The following TMEM164 variants were observed in gnomAD, a reference collection of about 807,000 sequenced individuals.
TMEM164 encodes the protein RP13-360B22.2.
TMEM164 carries 4 observed loss-of-function variants against 18.8 expected under a neutral mutation model. The ratio of observed to expected loss-of-function variants is 0.21; its 90% CI spans 0.10 to 0.49. The LOEUF (loss-of-function observed/expected upper bound fraction) is 0.49, where lower values mean the gene tolerates loss of function less well. TMEM164 is among the 20% of genes least tolerant of loss of function. TMEM164 has a pLI of 0.98. For synonymous variants in TMEM164, 86 were observed against 101.7 expected, an observed-to-expected ratio of 0.85 and a Z score of 0.93; for missense variants, 108 against 239.9, an observed-to-expected ratio of 0.45 and a Z score of 3.63.
chrX:110,048,560 G>GT (rs1365546703), intron 2 of TMEM164, among the ~76,000 whole-genome samples: 171 of 103,123 alleles, frequency 1.7e-3, no homozygotes, highest in Admixed American at 2.8e-3. Flanking sequence ...GAGGGGCCAA[G>GT]TTTTTTTTTT....
chrX:110,171,923 C>A (rs1169411453), intron 6 of TMEM164, among the ~76,000 whole-genome samples: 25 of 112,259 alleles, frequency 2.2e-4, no homozygotes, highest in Middle Eastern at 4.2e-3. Flanking sequence ...AGGCTGCACT[C>A]TTCCCTGAGC....
chrX:110,072,684 A>G (rs886955193), intron 3 of TMEM164, among the ~76,000 whole-genome samples: 1 of 111,536 alleles, frequency 9.0e-6, no homozygotes, highest in Non-Finnish European at 1.9e-5. Flanking sequence ...ACATAGAACC[A>G]TGTTTTCAAT....
At chrX:110,041,279 A>G (rs1935078382) in intron 2 of TMEM164, among the ~76,000 whole-genome samples, 1 of 112,190 alleles carries the variant, frequency 8.9e-6, no homozygotes, top group African/African-American at 3.2e-5. Flanking sequence ...GATTACAGTG[A>G]AAGGAATTCT....
At chrX:110,180,371 C>T (rs1310140109), downstream of TMEM164, among the ~76,000 whole-genome samples, 2 of 112,457 alleles carry the variant, frequency 1.8e-5, no homozygotes, top group Non-Finnish European at 3.8e-5. Context: ...AACAGAAATA[C>T]ACAGATGTCA....
chrX:110,181,015 C>T (rs2067321718), downstream of TMEM164, among the ~76,000 whole-genome samples: 1 of 111,530 alleles, frequency 9.0e-6, no homozygotes, highest in African/African-American at 3.3e-5. Context: ...CCTGTGCATT[C>T]CAAGACATAC....
At chrX:110,041,592 G>A (rs1479280433) in intron 2 of TMEM164, among the ~76,000 whole-genome samples, 1 of 111,546 alleles carries the variant, frequency 9.0e-6, no homozygotes, top group Non-Finnish European at 1.9e-5. Flanking sequence ...TCCAATTCAT[G>A]CAAAAGTGGG....
Position 110,176,199 on chromosome X carries a change from G to A in TMEM164, c.*2748G>A. The A allele has an allele frequency of 1.2e-5, 9 of 756,705 alleles. No homozygotes were observed. Among genetic ancestry groups the A allele is most frequent in the Non-Finnish European group, 1.4e-5 (9 of 639,642 alleles). The allele number at this position is 756,705 out of a possible 1,213,427, so 62.4% of individuals were successfully genotyped here. ...AAAGAGTACTCCCTCCAGCCCCTAG[G>A]TAGCCTTGGCCAGGGATGTGGGCCA... On this transcript the variant is annotated 3_prime_UTR_variant, in exon 7 of 7. Transcript: ENST00000372068.
intron 2 of TMEM164, among the ~76,000 whole-genome samples, chrX:110,035,938 T>A (rs903178520): frequency 9.0e-5 from 10 of 110,897 alleles, no homozygotes; most frequent in South Asian, 3.8e-4. Context: ...TGTTTTTTTT[T>A]AAAAAAGGTA....
At chrX:110,092,419 C>G (rs914776724) in intron 3 of TMEM164, among the ~76,000 whole-genome samples, 7 of 111,582 alleles carry the variant, frequency 6.3e-5, no homozygotes, top group Non-Finnish European at 9.4e-5. Flanking sequence ...TGAAGAGGTC[C>G]TTCACATCCC....
intron 5 of TMEM164, among the ~76,000 whole-genome samples, chrX:110,158,563 A>T: frequency 8.9e-6 from 1 of 112,532 alleles, no homozygotes; most frequent in South Asian, 3.7e-4. Context: ...GCACTTTATT[A>T]TTAGCTGAGC....
chrX:110,167,412 G>A lies in TMEM164; in HGVS notation c.587-4008G>A, dbSNP rs181037852. ...TTTTCTGCCATTTGTGTACTGCCTG[G>A]TGTTTTGTCTTTTGTCCTTGCCATT... On this transcript the variant is annotated intron_variant, in intron 5 of 6. Coordinates refer to ENST00000372068, the MANE Select transcript of TMEM164 (RefSeq NM_032227.4). Among the ~76,000 whole-genome samples the A allele has an allele frequency of 5.0e-3, 561 of 111,921 alleles. 7 individuals carry two copies. Among genetic ancestry groups the A allele is most frequent in the African/African-American group, 0.017 (534 of 30,767 alleles).
chrX:110,054,339 A>C (rs746510954), intron 2 of TMEM164, among the ~76,000 whole-genome samples: 3 of 112,346 alleles, frequency 2.7e-5, no homozygotes, highest in Non-Finnish European at 5.6e-5. Context: ...GTATGAGACT[A>C]ATAAGTGATT....
intron 2 of TMEM164, among the ~76,000 whole-genome samples, chrX:110,048,951 A>G (rs764535633): frequency 8.9e-6 from 1 of 111,861 alleles, no homozygotes; most frequent in South Asian, 3.7e-4. Context: ...ACATAACTGA[A>G]TACTCAGTAG....
At chrX:110,090,263 CT>C (rs991367240) in intron 3 of TMEM164, among the ~76,000 whole-genome samples, 14 of 103,100 alleles carry the variant, frequency 1.4e-4, no homozygotes, top group Non-Finnish European at 2.0e-4. Flanking sequence ...TTCTACTTAT[CT>C]TTTTTTTTTT....
chrX:110,012,909 G>A (rs1212950608), intron 2 of TMEM164, among the ~76,000 whole-genome samples: 2 of 112,146 alleles, frequency 1.8e-5, no homozygotes, highest in African/African-American at 6.5e-5. Context: ...GCAGAGGGAG[G>A]AAGGATAATA....
intron 2 of TMEM164, 120 bp from the exon 3 acceptor site, chrX:110,067,227 T>G (rs971951967): frequency 4.2e-6 from 3 of 720,245 alleles, no homozygotes; most frequent in Non-Finnish European, 6.4e-6. Context: ...CTTTAAAAAT[T>G]TTTATATTAC....
chrX:110,021,188 T>C lies in TMEM164; in HGVS notation c.390+17024T>C, dbSNP rs146754872. ...TTTAGTAATTAAGAGAAATACTTAT[T>C]TAAATAAAGAAAGGATGATTGGCAG... On this transcript the variant is annotated intron_variant, in intron 2 of 6. Transcript: ENST00000372068. Among the ~76,000 whole-genome samples, 949 of 111,593 alleles carry C rather than the reference T, an allele frequency of 8.5e-3. 8 individuals are homozygous for C. Among genetic ancestry groups the C allele is most frequent in the African/African-American group, 0.029 (895 of 30,659 alleles).
At chrX:110,110,240 C>A (rs1216765693) in intron 4 of TMEM164, among the ~76,000 whole-genome samples, 1 of 111,309 alleles carries the variant, frequency 9.0e-6, no homozygotes, top group Non-Finnish European at 1.9e-5. Flanking sequence ...TCATGTATAC[C>A]TTTATGATAG....
intron 3 of TMEM164, among the ~76,000 whole-genome samples, chrX:110,075,267 A>T (rs2065654123): frequency 9.0e-6 from 1 of 111,386 alleles, no homozygotes; most frequent in South Asian, 3.7e-4. Context: ...CTTGAATGTT[A>T]TTGGTGTATA....
Sources: allele counts gnomAD v4.1 joint callset (sites outside exome capture counted in the v4.1 genomes callset), GRCh38; gene constraint gnomAD v4.1.1; transcripts MANE v1.5; gene names NCBI Gene and HGNC (gene_info 2026-07-23, HGNC 2026-07-21).